Variants in IGFBP7 observed in about 807,000 individuals in gnomAD.
IGFBP7 encodes insulin-like growth factor-binding protein 7.
In IGFBP7, 31 loss-of-function variants were observed where a neutral mutation model predicts 29.4. The observed-to-expected ratio is 1.05, with a 90% CI of 0.79 to 1.42. IGFBP7 has a LOEUF of 1.42. Ranked by LOEUF, IGFBP7 falls within the 40% of genes most tolerant of loss-of-function variation. IGFBP7 has a pLI of 0.00. For missense variants in IGFBP7, 393 were observed against 395.5 expected (o/e 0.99, Z 0.05); for synonymous variants, 172 against 174.9 (o/e 0.98, Z 0.13).
intron 1 of IGFBP7, among the ~76,000 whole-genome samples, chr4:57,045,001 T>A (rs1296548800): frequency 6.6e-6 from 1 of 152,186 alleles, no homozygotes; most frequent in Non-Finnish European, 1.5e-5. Context: ...TTAGCAACAG[T>A]GCCCAGCCAT....
intron 1 of IGFBP7, among the ~76,000 whole-genome samples, chr4:57,089,256 T>G (rs1035792113): frequency 5.9e-5 from 9 of 152,232 alleles, no homozygotes; most frequent in Admixed American, 3.9e-4. Context: ...AAAGTAGACT[T>G]TTTTAAAGCA....
intron 4 of IGFBP7, 138 bp from the exon 5 acceptor site, chr4:57,031,474 A>C: frequency 1.5e-6 from 1 of 684,818 alleles, no homozygotes. Context: ...GTAATTGTAT[A>C]AATGATATGC....
chr4:57,055,004 CTG>C (rs1267127041), intron 1 of IGFBP7, among the ~76,000 whole-genome samples: 3 of 152,190 alleles, frequency 2.0e-5, no homozygotes, highest in African/African-American at 7.2e-5. Context: ...TCAGGCGAGG[CTG>C]ACGGCACTGG....
intron 1 of IGFBP7, among the ~76,000 whole-genome samples, chr4:57,076,146 G>A (rs1247732657): frequency 6.6e-6 from 1 of 152,182 alleles, no homozygotes; most frequent in Non-Finnish European, 1.5e-5. Flanking sequence ...CCTTCTTGCT[G>A]TAGCCTCACA....
intron 1 of IGFBP7, among the ~76,000 whole-genome samples, chr4:57,104,821 A>G (rs10029500): frequency 0.97 from 148,434 of 152,282 alleles, 72,460 homozygotes; most frequent in East Asian, 1. Flanking sequence ...AGGCAAATCA[A>G]TGTCAGATGA....
At chr4:57,089,287 A>G (rs1294534004) in intron 1 of IGFBP7, among the ~76,000 whole-genome samples, 2 of 152,190 alleles carry the variant, frequency 1.3e-5, no homozygotes, top group African/African-American at 2.4e-5. Flanking sequence ...ATCTATCCAT[A>G]TACAATTATA....
intron 1 of IGFBP7, among the ~76,000 whole-genome samples, chr4:57,090,151 G>T (rs1333588215): frequency 6.6e-6 from 1 of 152,100 alleles, no homozygotes; most frequent in Non-Finnish European, 1.5e-5. Context: ...ACCAGCTATT[G>T]TCCTTCTTGG....
At chr4:57,076,464 T>C (rs1714011) in intron 1 of IGFBP7, among the ~76,000 whole-genome samples, 95,853 of 152,062 alleles carry the variant, frequency 0.63, 30,688 homozygotes, top group East Asian at 0.89. Context: ...TATTTAACCA[T>C]GCAACCTCCC....
chr4:57,050,997 G>A (rs1724491776), intron 1 of IGFBP7, among the ~76,000 whole-genome samples: 1 of 152,122 alleles, frequency 6.6e-6, no homozygotes, highest in African/African-American at 2.4e-5. Context: ...ACCAAATAAG[G>A]GGAAAATCAG....
At chr4:57,079,620 A>T (rs1054076631) in intron 1 of IGFBP7, among the ~76,000 whole-genome samples, 3 of 152,236 alleles carry the variant, frequency 2.0e-5, no homozygotes, top group Non-Finnish European at 2.9e-5. Context: ...AGAAAATGAA[A>T]TGCAAAGGAA....
At chr4:57,085,662 CTTATA>C (rs2109790214) in intron 1 of IGFBP7, among the ~76,000 whole-genome samples, 1 of 152,212 alleles carries the variant, frequency 6.6e-6, no homozygotes, top group East Asian at 1.9e-4. Flanking sequence ...TCACTCTTCT[CTTATA>C]TAAAATTTCT....
intron 1 of IGFBP7, among the ~76,000 whole-genome samples, chr4:57,089,619 C>T (rs2109793821): frequency 6.6e-6 from 1 of 152,194 alleles, no homozygotes; most frequent in East Asian, 1.9e-4. Flanking sequence ...TTTGAATTCA[C>T]CTTCAGCAAC....
intron 1 of IGFBP7, among the ~76,000 whole-genome samples, chr4:57,086,580 A>C (rs945391334): frequency 6.6e-6 from 1 of 151,886 alleles, no homozygotes; most frequent in Non-Finnish European, 1.5e-5. Context: ...GTTCCAACCC[A>C]CTTATATTTT....
chr4:57,031,240 A>C lies in IGFBP7; in HGVS notation c.*77T>G. 1 of 1,216,044 alleles carries C rather than the reference A, an allele frequency of 8.2e-7. No homozygotes were observed. Among genetic ancestry groups the C allele is most frequent in the Non-Finnish European group, 1.2e-6 (1 of 826,880 alleles). 75.3% of individuals were successfully genotyped at this position (1,216,044 alleles called of 1,614,324 possible). ...AGTGTTAGTGGATTGGATTAAAAGA[A>C]ACTTATTAGGCAAGAACAGGTAATG... is the stretch of plus-strand genomic sequence containing the variant. On this transcript the variant is annotated 3_prime_UTR_variant, in exon 5 of 5. Coordinates refer to ENST00000295666, the MANE Select transcript of IGFBP7 (RefSeq NM_001553.3).
chr4:57,079,961 G>T (rs1174656130), intron 1 of IGFBP7, among the ~76,000 whole-genome samples: 2 of 152,166 alleles, frequency 1.3e-5, no homozygotes, highest in Admixed American at 1.3e-4. Flanking sequence ...GGAATTGGAG[G>T]CTTTGAGAGG....
At position 57,103,372 on chromosome 4, in the gene IGFBP7, T is replaced by G. The variant is rs547730156; in HGVS notation, c.475+6505A>C. On this transcript the variant is annotated intron_variant, in intron 1 of 4. Coordinates refer to ENST00000295666, the MANE Select transcript of IGFBP7 (RefSeq NM_001553.3). ...GGCCCTCCCCTATCACTGGGCTCTG[T>G]CACGCAGCCAGCTGCCTCCTTCTCC... Among the ~76,000 whole-genome samples the G allele has an allele frequency of 1.1e-4, 17 of 152,314 alleles. No individual in the cohort carries two copies. In the East Asian group the frequency reaches 3.1e-3, roughly 28 times the overall value.
chr4:57,045,289 G>A (rs533887371), intron 1 of IGFBP7, among the ~76,000 whole-genome samples: 1 of 152,296 alleles, frequency 6.6e-6, no homozygotes, highest in Admixed American at 6.5e-5. Context: ...TAGTGGAAGG[G>A]CAGAGGAGGG....
intron 1 of IGFBP7, among the ~76,000 whole-genome samples, chr4:57,048,318 G>A (rs1272089123): frequency 6.6e-6 from 1 of 152,100 alleles, no homozygotes; most frequent in Admixed American, 6.5e-5. Context: ...CAAAGTACTG[G>A]GATTACAGGA....
At chr4:57,054,002 T>C (rs1442137407) in intron 1 of IGFBP7, among the ~76,000 whole-genome samples, 3 of 152,160 alleles carry the variant, frequency 2.0e-5, no homozygotes, top group African/African-American at 7.2e-5. Context: ...TGAGTTTCCC[T>C]AGGAAATTTC....
Sources: allele counts gnomAD v4.1 joint callset (sites outside exome capture counted in the v4.1 genomes callset), GRCh38; gene constraint gnomAD v4.1.1; transcripts MANE v1.5; gene names NCBI Gene and HGNC (gene_info 2026-07-23, HGNC 2026-07-21).